Variants in PCDH15 observed in about 807,000 individuals in gnomAD.
PCDH15 encodes protocadherin related 15, also known as protocadherin-15.
Under a neutral mutation model 178.5 loss-of-function variants are expected in PCDH15, and 129 were observed. The observed-to-expected ratio is 0.72, with a 90% CI of 0.63 to 0.84. The LOEUF (loss-of-function observed/expected upper bound fraction) is 0.84, where lower values mean the gene tolerates loss of function less well. Among genes scored for constraint, PCDH15 ranks in the 40% least tolerant of loss-of-function variants. The pLI is 0.00. For synonymous variants in PCDH15, 800 were observed against 732.0 expected (o/e 1.09, Z -1.50); for missense variants, 2,230 against 2,099.9 (o/e 1.06, Z -1.21).
intron 2 of PCDH15, among the ~76,000 whole-genome samples, chr10:55,565,337 CAT>C (rs1178315313): frequency 2.0e-5 from 3 of 151,620 alleles, no homozygotes; most frequent in Admixed American, 6.6e-5. Context: ...ATTTATGAGA[CAT>C]AGAAAAAGCA....
intron 2 of PCDH15, among the ~76,000 whole-genome samples, chr10:55,547,022 T>G (rs1297682128): frequency 6.6e-6 from 1 of 151,926 alleles, no homozygotes; most frequent in Non-Finnish European, 1.5e-5. Context: ...AAAAAAAATC[T>G]CAGAAAGTCT....
At chr10:54,775,330 C>G (rs1949567540) in intron 1 of PCDH15, among the ~76,000 whole-genome samples, 1 of 152,088 alleles carries the variant, frequency 6.6e-6, no homozygotes, top group African/African-American at 2.4e-5. Context: ...GCTTGATCAA[C>G]TGATAGTTTT....
At chr10:54,377,047 C>A (rs1425204932) in intron 4 of PCDH15, among the ~76,000 whole-genome samples, 2 of 151,852 alleles carry the variant, frequency 1.3e-5, no homozygotes, top group African/African-American at 4.8e-5. Context: ...CATTTGTTTG[C>A]ATTATAATTT....
At chr10:55,375,281 G>T (rs1399477436) in intron 2 of PCDH15, among the ~76,000 whole-genome samples, 1 of 152,046 alleles carries the variant, frequency 6.6e-6, no homozygotes, top group Admixed American at 6.6e-5. Flanking sequence ...ACTTAAGAAA[G>T]AATGGCAGGG....
At chr10:53,852,781 CCA>C (rs2078473289) in intron 28 of PCDH15, among the ~76,000 whole-genome samples, 2 of 151,968 alleles carry the variant, frequency 1.3e-5, no homozygotes, top group African/African-American at 4.8e-5. Flanking sequence ...ACATGACATT[CCA>C]GTTTTCCACT....
intron 10 of PCDH15, among the ~76,000 whole-genome samples, chr10:54,196,413 AT>A: frequency 6.6e-6 from 1 of 152,182 alleles, no homozygotes; most frequent in South Asian, 2.1e-4. Context: ...AAGTGCTGGG[AT>A]TACAGGCGTG....
chr10:54,542,626 C>A (rs183858178), intron 2 of PCDH15, among the ~76,000 whole-genome samples: 3 of 152,138 alleles, frequency 2.0e-5, no homozygotes, highest in Non-Finnish European at 4.4e-5. Flanking sequence ...TCCTTAGAGC[C>A]ATAGAGCCAA....
Position 54,442,390 on chromosome 10 carries a change from TA to T in PCDH15, c.158-63449del, listed in dbSNP as rs71461241. On this transcript the variant is annotated intron_variant, in intron 3 of 37. Transcript: ENST00000644397. Reference sequence around the variant, plus strand: ...TTGGAGGGACAGTCTCCTTTTTTTTTAAAAAAAAAAAAGGCCTTAAAGGCTA... The same window carrying T: ...TTGGAGGGACAGTCTCCTTTTTTTTTAAAAAAAAAAAGGCCTTAAAGGCTA... Among the ~76,000 whole-genome samples the T allele has an allele frequency of 3.2e-3, 86 of 26,594 alleles. 1 individual carries two copies. Among genetic ancestry groups the T allele is most frequent in the South Asian group, 0.018 (30 of 1,690 alleles). The allele number at this position is 26,594 out of a possible 152,430, so 17.4% of individuals were successfully genotyped here. A position where few individuals can be genotyped will look rare whatever the true frequency, so the allele number is the denominator to read the frequency against.
chr10:55,134,875 G>C (rs1838146711), intron 2 of PCDH15, among the ~76,000 whole-genome samples: 1 of 152,050 alleles, frequency 6.6e-6, no homozygotes, highest in Non-Finnish European at 1.5e-5. Context: ...GATTTCTCCA[G>C]GTATGATTCT....
At chr10:54,173,316 C>T (rs1227471203) in intron 13 of PCDH15, among the ~76,000 whole-genome samples, 1 of 152,048 alleles carries the variant, frequency 6.6e-6, no homozygotes, top group Non-Finnish European at 1.5e-5. Context: ...GCATCGTGCG[C>T]AATACTTTAA....
intron 2 of PCDH15, among the ~76,000 whole-genome samples, chr10:54,642,347 G>A (rs2094010375): frequency 6.6e-6 from 1 of 152,084 alleles, no homozygotes; most frequent in Non-Finnish European, 1.5e-5. Context: ...TATGTTTATA[G>A]CAACTGTCTA....
At chr10:55,107,222 A>G (rs540962903) in intron 2 of PCDH15, among the ~76,000 whole-genome samples, 2 of 152,248 alleles carry the variant, frequency 1.3e-5, no homozygotes, top group African/African-American at 4.8e-5. Context: ...CTTAGTTGTT[A>G]ATTAAACCCA....
At chr10:54,559,453 C>T (rs2087760482) in intron 2 of PCDH15, among the ~76,000 whole-genome samples, 1 of 152,036 alleles carries the variant, frequency 6.6e-6, no homozygotes, top group South Asian at 2.1e-4. Flanking sequence ...AATGTTGCAT[C>T]TTCAGCAAGA....
At chr10:55,260,460 C>T (rs974889986) in intron 1 of PCDH15, among the ~76,000 whole-genome samples, 2 of 151,626 alleles carry the variant, frequency 1.3e-5, no homozygotes, top group Non-Finnish European at 1.5e-5. Flanking sequence ...ATAAAGTTTT[C>T]CAAAATTGAT....
At chr10:54,737,831 T>A (rs546197155) in intron 1 of PCDH15, among the ~76,000 whole-genome samples, 3 of 152,150 alleles carry the variant, frequency 2.0e-5, no homozygotes, top group Non-Finnish European at 4.4e-5. Flanking sequence ...AAAGCAGATA[T>A]GAATACTGCC....
intron 2 of PCDH15, among the ~76,000 whole-genome samples, chr10:55,576,802 A>C (rs1265832002): frequency 2.0e-5 from 3 of 152,194 alleles, no homozygotes; most frequent in African/African-American, 7.2e-5. Flanking sequence ...TTACCTGTTT[A>C]ACTAAAATTC....
chr10:54,280,729 C>T (rs1464040164), intron 8 of PCDH15, among the ~76,000 whole-genome samples: 2 of 151,696 alleles, frequency 1.3e-5, no homozygotes, highest in Non-Finnish European at 2.9e-5. Context: ...TGGACACTGT[C>T]GGCTTTTCGT....
chr10:54,014,169 G>A (rs1348657292), intron 20 of PCDH15, among the ~76,000 whole-genome samples: 2 of 151,988 alleles, frequency 1.3e-5, no homozygotes, highest in African/African-American at 4.8e-5. Context: ...AAACCCAAGA[G>A]GAAATGGATA....
chr10:54,362,307 T>C (rs1946173716), intron 5 of PCDH15, among the ~76,000 whole-genome samples: 1 of 152,054 alleles, frequency 6.6e-6, no homozygotes, highest in Non-Finnish European at 1.5e-5. Flanking sequence ...AATTAGTTCC[T>C]AATGAGTATG....
Sources: gnomAD v4.1 joint callset for allele counts (sites outside exome capture counted in the v4.1 genomes callset) on GRCh38, gnomAD v4.1.1 for gene constraint, MANE v1.5 for transcripts, NCBI Gene and HGNC (gene_info 2026-07-23, HGNC 2026-07-21) for gene names.